ADCY9: variants seen among roughly 807,000 people sequenced by gnomAD.
ADCY9 encodes adenylate cyclase 9, also known as adenylate cyclase type 9.
A neutral mutation model predicts 101.5 loss-of-function variants in ADCY9; 50 were observed. The observed-to-expected ratio is 0.49, with a 90% CI of 0.39 to 0.62. The LOEUF (loss-of-function observed/expected upper bound fraction) is 0.62. Among genes scored for constraint, ADCY9 ranks in the 20% least tolerant of loss-of-function variants. ADCY9 has a pLI of 0.00. For synonymous variants in ADCY9, 905 were observed against 769.3 expected (o/e 1.18, Z -2.92); for missense variants, 1,662 against 1,800.4 (o/e 0.92, Z 1.39).
chr16:4,071,015 CAA>C lies in ADCY9; in HGVS notation c.1693+42733_1693+42734del, dbSNP rs201584653. ...ATAACCACAACTTTTCTTGACCCAT[CAA>C]AGAGGCGGGGTTACAAAGTAACCAA... is the stretch of plus-strand genomic sequence containing the variant. On this transcript the variant is annotated intron_variant, in intron 2 of 10. Coordinates refer to ENST00000294016, the MANE Select transcript of ADCY9 (RefSeq NM_001116.4). Among the ~76,000 whole-genome samples the C allele has an allele frequency of 9.6e-3, 1,460 of 151,848 alleles. 24 individuals carry two copies. Among genetic ancestry groups the C allele is most frequent in the African/African-American group, 0.033 (1,350 of 41,402 alleles).
At chr16:4,082,321 G>C (rs1438979812) in intron 2 of ADCY9, among the ~76,000 whole-genome samples, 2 of 152,162 alleles carry the variant, frequency 1.3e-5, no homozygotes, top group African/African-American at 4.8e-5. Context: ...CAAGGCTACA[G>C]TGAGCCACTA....
intron 2 of ADCY9, among the ~76,000 whole-genome samples, chr16:4,041,495 C>T (rs1324992736): frequency 7.9e-6 from 1 of 125,932 alleles, no homozygotes; most frequent in Non-Finnish European, 1.6e-5. Context: ...AGCAAGGCCC[C>T]GTATTAAAAC....
At chr16:4,084,238 A>C (rs1173995865) in intron 2 of ADCY9, among the ~76,000 whole-genome samples, 1 of 151,932 alleles carries the variant, frequency 6.6e-6, no homozygotes, top group Non-Finnish European at 1.5e-5. Flanking sequence ...CAGCCTCCCA[A>C]GTAGCTGGGA....
chr16:4,077,268 G>A (rs1433440439), intron 2 of ADCY9, among the ~76,000 whole-genome samples: 2 of 152,080 alleles, frequency 1.3e-5, no homozygotes, highest in African/African-American at 2.4e-5. Context: ...GCACAGCCTT[G>A]TCCCCCCCCG....
intron 2 of ADCY9, among the ~76,000 whole-genome samples, chr16:4,111,806 A>C (rs180703187): frequency 2.5e-4 from 37 of 149,024 alleles, no homozygotes; most frequent in Non-Finnish European, 4.9e-4. Flanking sequence ...CCAAATTTAC[A>C]CTATTTGAGG....
chr16:4,073,387 C>T (rs1373542085), intron 2 of ADCY9, among the ~76,000 whole-genome samples: 2 of 150,972 alleles, frequency 1.3e-5, no homozygotes, highest in African/African-American at 2.4e-5. Context: ...GCACCCAGCC[C>T]TCTTTAAAAA....
intron 7 of ADCY9, among the ~76,000 whole-genome samples, chr16:3,980,509 G>C (rs2056132189): frequency 2.0e-5 from 3 of 152,260 alleles, no homozygotes; most frequent in African/African-American, 7.2e-5. Context: ...GGCTGGGCGG[G>C]GGCCGCTGTT....
At chr16:4,088,037 CTGAGACT>C (rs1353215305) in intron 2 of ADCY9, among the ~76,000 whole-genome samples, 3 of 151,512 alleles carry the variant, frequency 2.0e-5, no homozygotes, top group Non-Finnish European at 4.4e-5. Flanking sequence ...TCCCCAGTAG[CTGAGACT>C]ACAGGTATGT....
intron 2 of ADCY9, among the ~76,000 whole-genome samples, chr16:4,090,719 T>G (rs1014372888): frequency 1.3e-5 from 2 of 151,922 alleles, no homozygotes; most frequent in Non-Finnish European, 2.9e-5. Context: ...TTTTTTTTTT[T>G]GGTCAATGTT....
At chr16:4,002,567 G>A (rs1019285142) in intron 3 of ADCY9, among the ~76,000 whole-genome samples, 8 of 152,284 alleles carry the variant, frequency 5.3e-5, no homozygotes, top group South Asian at 2.1e-4. Flanking sequence ...CAAGCAGCCC[G>A]GGGTTCTGAA....
At chr16:3,978,484 A>G (rs1258501121) in intron 8 of ADCY9, among the ~76,000 whole-genome samples, 1 of 152,256 alleles carries the variant, frequency 6.6e-6, no homozygotes, top group Admixed American at 6.5e-5. Flanking sequence ...TGCTTCTCGC[A>G]TGGTTAGGAA....
intron 6 of ADCY9, among the ~76,000 whole-genome samples, chr16:3,987,072 G>A (rs1218382019): frequency 6.6e-6 from 1 of 152,206 alleles, no homozygotes; most frequent in East Asian, 1.9e-4. Flanking sequence ...ACGTTTGTGG[G>A]TGCTGGCCCC....
In ADCY9 at chr16:3,966,396, G is replaced by A. The variant is rs376101747; in HGVS notation, c.3441C>T (p.Arg1147=). 14 of 1,613,980 alleles carry A rather than the reference G, an allele frequency of 8.7e-6. No individual in the cohort carries two copies. The highest frequency in any genetic ancestry group is 4.5e-5 in the East Asian group (2 of 44,884). Reference sequence around the variant, plus strand: ...TGTTGTTGTTGAAGTCGTCCACCACGCGCATCATCTCCTTGGCGAACTCGA... The same window carrying A: ...TGTTGTTGTTGAAGTCGTCCACCACACGCATCATCTCCTTGGCGAACTCGA... ...ILFEFAKEMM[R]VVDDFNNNML... is the part of the protein sequence containing the mutation. The change falls in exon 11 of 11, where the codon CGC becomes CGT. Residue 1147 remains arginine, a synonymous_variant. Transcript: ENST00000294016.
chr16:3,997,730 C>T (rs530699471), intron 3 of ADCY9, among the ~76,000 whole-genome samples: 12 of 152,292 alleles, frequency 7.9e-5, no homozygotes, highest in African/African-American at 2.2e-4. Flanking sequence ...CTCCAGGCCG[C>T]GCTGGGTGGC....
chr16:4,111,619 G>A (rs919545001), intron 2 of ADCY9, among the ~76,000 whole-genome samples: 6 of 152,066 alleles, frequency 3.9e-5, no homozygotes, highest in Non-Finnish European at 5.9e-5. Context: ...TATCCACAAA[G>A]GTTTGTAAAA....
intron 2 of ADCY9, among the ~76,000 whole-genome samples, chr16:4,077,937 G>A (rs2056878141): frequency 6.6e-6 from 1 of 151,796 alleles, no homozygotes; most frequent in Non-Finnish European, 1.5e-5. Flanking sequence ...AGGCAGAGGT[G>A]GTAGTGAGCC....
chr16:4,083,761 G>A (rs1048405410), intron 2 of ADCY9, among the ~76,000 whole-genome samples: 1 of 152,224 alleles, frequency 6.6e-6, no homozygotes, highest in African/African-American at 2.4e-5. Context: ...GTCATGAAGG[G>A]CCACATATGA....
chr16:4,102,241 G>C (rs2057047916), intron 2 of ADCY9, among the ~76,000 whole-genome samples: 1 of 152,044 alleles, frequency 6.6e-6, no homozygotes, highest in Non-Finnish European at 1.5e-5. Context: ...CTCTGACAGA[G>C]ACACCATCAT....
chr16:4,028,353 G>A lies in ADCY9; in HGVS notation c.1694-20795C>T, dbSNP rs4786455. On this transcript the variant is annotated intron_variant, in intron 2 of 10. Coordinates refer to ENST00000294016, the MANE Select transcript of ADCY9 (RefSeq NM_001116.4). Reference sequence around the variant, plus strand: ...CAGCCAAGACGTGGGAATAATCCACGTGTCCAGCAGCTGGTGAATGGATGG... The same window carrying A: ...CAGCCAAGACGTGGGAATAATCCACATGTCCAGCAGCTGGTGAATGGATGG... Among the ~76,000 whole-genome samples, 846 of 152,252 alleles carry A rather than the reference G, an allele frequency of 5.6e-3. 8 individuals carry two copies. The highest frequency in any genetic ancestry group is 0.012 in the Admixed American group (190 of 15,278).
Sources: gnomAD v4.1 joint callset for allele counts (sites outside exome capture counted in the v4.1 genomes callset) on GRCh38, gnomAD v4.1.1 for gene constraint, MANE v1.5 for transcripts, NCBI Gene and HGNC (gene_info 2026-07-23, HGNC 2026-07-21) for gene names.